Variants in EYS observed in about 807,000 individuals in gnomAD.
The protein encoded by EYS is EGF-like photoreceptor maintenance factor.
EYS carries 250 observed loss-of-function variants against 282.1 expected under a neutral mutation model. The ratio of observed to expected loss-of-function variants is 0.89; its 90% CI spans 0.80 to 0.98. The LOEUF is 0.98. EYS is among the 50% of genes least tolerant of loss of function. The pLI, the probability that EYS is intolerant of heterozygous loss-of-function variation, is 0.00. For missense variants in EYS, 4,016 were observed against 3,709.0 expected (o/e 1.08, Z -2.15); for synonymous variants, 1,355 against 1,282.9 (o/e 1.06, Z -1.20).
At chr6:64,279,287 C>T (rs996927821) in intron 30 of EYS, among the ~76,000 whole-genome samples, 2 of 152,172 alleles carry the variant, frequency 1.3e-5, no homozygotes, top group Non-Finnish European at 2.9e-5. Flanking sequence ...GTAATATATA[C>T]ATTGTGGATT....
At chr6:65,502,127 C>T (rs1232049083) in intron 2 of EYS, among the ~76,000 whole-genome samples, 1 of 151,560 alleles carries the variant, frequency 6.6e-6, no homozygotes, top group Admixed American at 6.6e-5. Context: ...ATTAAGATAG[C>T]TTAAGTATAT....
At chr6:65,165,116 CATTA>C (rs1315168995) in intron 12 of EYS, among the ~76,000 whole-genome samples, 2 of 151,138 alleles carry the variant, frequency 1.3e-5, no homozygotes, top group Non-Finnish European at 3.0e-5. Context: ...TAAATTCTAA[CATTA>C]ATTGGTACTT....
intron 29 of EYS, among the ~76,000 whole-genome samples, chr6:64,320,935 C>A (rs536349438): frequency 2.0e-4 from 30 of 151,644 alleles, no homozygotes; most frequent in African/African-American, 7.0e-4. Flanking sequence ...TATTTTTAAA[C>A]GAAAAATTCC....
At chr6:63,834,726 C>A (rs573710155) in intron 36 of EYS, among the ~76,000 whole-genome samples, 1 of 152,028 alleles carries the variant, frequency 6.6e-6, no homozygotes, top group Admixed American at 6.5e-5. Flanking sequence ...GATTATAAAT[C>A]ATGCTGCTGT....
chr6:64,559,177 A>T (rs1765323427), intron 26 of EYS, among the ~76,000 whole-genome samples: 1 of 151,988 alleles, frequency 6.6e-6, no homozygotes, highest in South Asian at 2.1e-4. Flanking sequence ...TTTCTTCCTA[A>T]AGTCATTATT....
intron 10 of EYS, among the ~76,000 whole-genome samples, chr6:65,337,622 T>C (rs1770038199): frequency 6.6e-6 from 1 of 151,050 alleles, no homozygotes; most frequent in East Asian, 2.0e-4. Flanking sequence ...TATTCTCTTT[T>C]GTTACCTCAG....
chr6:65,700,181 T>C (rs1232055456), intron 1 of EYS, among the ~76,000 whole-genome samples: 1 of 123,576 alleles, frequency 8.1e-6, no homozygotes, highest in Non-Finnish European at 1.7e-5. Context: ...GGGAGTTAAA[T>C]AATCACATTT....
intron 12 of EYS, among the ~76,000 whole-genome samples, chr6:65,218,402 T>C (rs1766372585): frequency 6.6e-6 from 1 of 152,156 alleles, no homozygotes. Flanking sequence ...GGTTTTGTGA[T>C]ACCTCACTGA....
intron 22 of EYS, among the ~76,000 whole-genome samples, chr6:64,767,602 A>T (rs1347074782): frequency 2.0e-5 from 3 of 152,194 alleles, no homozygotes; most frequent in African/African-American, 7.2e-5. Context: ...ATATTGACAC[A>T]AATAACAAAA....
chr6:65,218,787 C>A (rs1766383088), intron 12 of EYS, among the ~76,000 whole-genome samples: 1 of 151,970 alleles, frequency 6.6e-6, no homozygotes, highest in Non-Finnish European at 1.5e-5. Context: ...TAAATAAAAT[C>A]ATCTAGCCTA....
chr6:64,117,336 C>G (rs574240451), intron 31 of EYS, among the ~76,000 whole-genome samples: 21 of 150,228 alleles, frequency 1.4e-4, no homozygotes, highest in African/African-American at 4.6e-4. Context: ...CAACCCCCCC[C>G]CCAATTAGTA....
chr6:65,299,821 T>C (rs1486701233), intron 11 of EYS, among the ~76,000 whole-genome samples: 2 of 152,268 alleles, frequency 1.3e-5, no homozygotes, highest in East Asian at 1.9e-4. Context: ...ACATTATTCA[T>C]TGATGTCATC....
At chr6:63,878,097 T>G (rs1025739155) in intron 35 of EYS, among the ~76,000 whole-genome samples, 7 of 152,204 alleles carry the variant, frequency 4.6e-5, no homozygotes, top group Non-Finnish European at 7.4e-5. Flanking sequence ...TTTCTCCCTA[T>G]CTTTGTGGTT....
At chr6:64,301,066 C>G (rs557853185) in intron 30 of EYS, among the ~76,000 whole-genome samples, 103 of 152,288 alleles carry the variant, frequency 6.8e-4, no homozygotes, top group African/African-American at 2.3e-3. Context: ...AAAGAATACA[C>G]AGTTAAGAGA....
chr6:64,052,878 A>T (rs1008503005), intron 33 of EYS, among the ~76,000 whole-genome samples: 1 of 152,070 alleles, frequency 6.6e-6, no homozygotes. Flanking sequence ...TTTGCTGAGG[A>T]CTTCCCCAGC....
At chr6:65,677,699 AAAT>A (rs1252320043) in intron 1 of EYS, among the ~76,000 whole-genome samples, 1 of 151,966 alleles carries the variant, frequency 6.6e-6, no homozygotes, top group Non-Finnish European at 1.5e-5. Flanking sequence ...GAAATAGACA[AAAT>A]AATCCTAAAA....
At chr6:64,232,990 T>G (rs1384132181) in intron 30 of EYS, among the ~76,000 whole-genome samples, 2 of 152,146 alleles carry the variant, frequency 1.3e-5, no homozygotes, top group African/African-American at 4.8e-5. Context: ...CTAATTTAAT[T>G]TTTAGTTTTA....
chr6:64,051,773 T>G (rs1370221604), intron 33 of EYS, among the ~76,000 whole-genome samples: 1 of 152,032 alleles, frequency 6.6e-6, no homozygotes, highest in East Asian at 1.9e-4. Context: ...AAGAAAAGAG[T>G]CAGGTGTTCT....
chr6:64,338,475 C>T (rs530517017), intron 29 of EYS, among the ~76,000 whole-genome samples: 31 of 151,922 alleles, frequency 2.0e-4, no homozygotes, highest in African/African-American at 5.3e-4. Context: ...TGAAAGAAAT[C>T]GTAGACAACA....
Sources: allele counts gnomAD v4.1 joint callset (sites outside exome capture counted in the v4.1 genomes callset), GRCh38; gene constraint gnomAD v4.1.1; transcripts MANE v1.5; gene names NCBI Gene and HGNC (gene_info 2026-07-23, HGNC 2026-07-21).